Variants in DNM2 observed in about 807,000 individuals in gnomAD.
DNM2 encodes the protein dynamin 2.
DNM2 carries 15 observed loss-of-function variants against 99.0 expected under a neutral mutation model. The observed-to-expected ratio is 0.15, with a 90% confidence interval of 0.10 to 0.23. The LOEUF (loss-of-function observed/expected upper bound fraction) is 0.23. DNM2 is among the 10% of genes least tolerant of loss of function. DNM2 has a pLI of 1.00. For synonymous variants in DNM2, 525 were observed against 481.2 expected, an observed-to-expected ratio of 1.09 and a Z score of -1.19; for missense variants, 742 against 1,189.4, an observed-to-expected ratio of 0.62 and a Z score of 5.53.
intron 1 of DNM2, among the ~76,000 whole-genome samples, chr19:10,751,728 C>CT (rs1037836626): frequency 2.6e-5 from 4 of 152,282 alleles, no homozygotes; most frequent in African/African-American, 9.6e-5. Flanking sequence ...CCCTCTGCGC[C>CT]TGCCCTGCCC....
Position 10,828,582 on chromosome 19 carries a change from C to CA in DNM2, c.2059-442dup, listed in dbSNP as rs34919087. Among the ~76,000 whole-genome samples, 116 of 99,574 alleles carry CA rather than the reference C, an allele frequency of 1.2e-3. 1 individual carries two copies. The highest frequency in any genetic ancestry group is 6.6e-3 in the Middle Eastern group (1 of 152). 65.3% of individuals were successfully genotyped at this position (99,574 alleles called of 152,430 possible). ...AACCTGGGCGACAGTGAGACTGTCT[C>CA]AAAAAAAAAAAAGCAAAAACAAAAA... On this transcript the variant is annotated intron_variant, in intron 18 of 20. Transcript: ENST00000389253.
intron 1 of DNM2, among the ~76,000 whole-genome samples, chr19:10,732,187 A>G (rs1385657182): frequency 6.7e-6 from 1 of 150,156 alleles, no homozygotes; most frequent in African/African-American, 2.4e-5. Flanking sequence ...TCCTGACCTC[A>G]GGTTATCCGC....
Position 10,796,791 on chromosome 19 carries a change from C to T in DNM2, c.1197-589C>T, listed in dbSNP as rs567522305. On this transcript the variant is annotated intron_variant, in intron 9 of 20. Coordinates refer to ENST00000389253, the MANE Select transcript of DNM2 (RefSeq NM_001005361.3). This position sits in a 1 kb window ranked among gnomAD's most constrained non-coding sequence, Gnocchi z 5.6. The stretch of plus-strand genomic sequence containing the variant: ...TCACAGTGCCTCTATGCGCTCTCGA[C>T]GAGCCACTGCCTCCACTCAGCAGGA... 1.3e-5 allele frequency among the ~76,000 whole-genome samples: 2 copies of T among 152,120 alleles called. No individual in the cohort carries two copies. The highest frequency in any genetic ancestry group is 2.1e-4 in the South Asian group (1 of 4,838).
intron 7 of DNM2, among the ~76,000 whole-genome samples, chr19:10,792,807 C>T (rs1310551745): frequency 2.0e-5 from 3 of 152,032 alleles, no homozygotes; most frequent in Non-Finnish European, 4.4e-5. Context: ...GGGGTTTCGC[C>T]ATGTTGTCCA....
In DNM2 at chr19:10,831,228, G is replaced by A; in HGVS notation, c.*181G>A. 7.4e-7 allele frequency: 1 copy of A among 1,354,026 alleles called. No individual in the cohort carries two copies. Among genetic ancestry groups the A allele is most frequent in the Non-Finnish European group, 9.5e-7 (1 of 1,057,636 alleles). 83.9% of individuals were successfully genotyped at this position (1,354,026 alleles called of 1,614,324 possible). A position where few individuals can be genotyped will look rare whatever the true frequency, so the allele number is the denominator to read the frequency against. ...CCTGTGCCTGGCTGGACACCGCACT[G>A]CGCAAAGGGGCCCTGGAGCTCCAGG... On this transcript the variant is annotated 3_prime_UTR_variant, in exon 21 of 21. Coordinates refer to ENST00000389253, the MANE Select transcript of DNM2 (RefSeq NM_001005361.3). This position sits in a 1 kb window ranked among gnomAD's most constrained non-coding sequence, Gnocchi z 4.3.
At chr19:10,807,841 A>G (rs1373617411) in intron 13 of DNM2, among the ~76,000 whole-genome samples, 3 of 150,898 alleles carry the variant, frequency 2.0e-5, no homozygotes, top group Non-Finnish European at 4.4e-5. Context: ...AGCCTTTATC[A>G]TTAATTTTTA....
intron 1 of DNM2, among the ~76,000 whole-genome samples, chr19:10,719,003 A>T (rs534640354): frequency 6.6e-6 from 1 of 152,086 alleles, no homozygotes; most frequent in Non-Finnish European, 1.5e-5. Context: ...CACAGACTTT[A>T]ACACTGAGCA....
rs2072548978 is a variant in DNM2, at chr19:10,811,648, C to T, written c.1558-616C>T. 6.0e-6 allele frequency: 3 copies of T among 496,146 alleles called. No homozygotes were observed. The highest frequency in any genetic ancestry group is 1.2e-5 in the Non-Finnish European group (3 of 249,422). 30.7% of individuals were successfully genotyped at this position (496,146 alleles called of 1,614,324 possible). A position where few individuals can be genotyped will look rare whatever the true frequency, so the allele number is the denominator to read the frequency against. Reference sequence around the variant, plus strand: ...GGAGCATGGGAGCACAGCCCCCAGGCTGCCTGCCGTTAGTTGTCAGGTGAG... The same window carrying T: ...GGAGCATGGGAGCACAGCCCCCAGGTTGCCTGCCGTTAGTTGTCAGGTGAG... On this transcript the variant is annotated intron_variant, in intron 14 of 20. Coordinates refer to ENST00000389253, the MANE Select transcript of DNM2 (RefSeq NM_001005361.3). This position sits in a 1 kb window ranked among gnomAD's most constrained non-coding sequence, Gnocchi z 5.4.
In DNM2 at chr19:10,783,075, G is replaced by A; in HGVS notation, c.804G>A (p.Met268Ile). The A allele has an allele frequency of 6.2e-7, 1 of 1,613,750 alleles. No homozygotes were observed. The highest frequency in any genetic ancestry group is 1.1e-5 in the South Asian group (1 of 91,090). Reference protein sequence around the residue: ...FFLSHPAYRHMADRMGTPHLQ... With the variant: ...FFLSHPAYRHIADRMGTPHLQ... ...TCTCCCACCCGGCCTACCGGCACAT[G>A]GCCGACCGCATGGGCACGCCACATC... The change falls in exon 6 of 21, where the codon ATG (methionine) becomes ATA (isoleucine). Residue 268 changes from methionine to isoleucine, a missense_variant. Transcript: ENST00000389253.
Position 10,788,910 on chromosome 19 carries a change from C to A in DNM2, c.992+2204C>A, listed in dbSNP as rs147532788. On this transcript the variant is annotated intron_variant, in intron 7 of 20. Transcript: ENST00000389253. ...GGCCATCACAGCCCTGGCATCCCCCCACCCCCTCTGCCAGGCAGTAGTGCA... is the reference window on the plus strand; with the variant it reads ...GGCCATCACAGCCCTGGCATCCCCCAACCCCCTCTGCCAGGCAGTAGTGCA... 1.2e-3 allele frequency among the ~76,000 whole-genome samples: 190 copies of A among 152,342 alleles called. 3 individuals carry two copies. The East Asian group carries it at 0.032, about 26-fold the overall frequency.
At chr19:10,824,127 G>T (rs992105799) in intron 17 of DNM2, 1 of 566,706 alleles carries the variant, frequency 1.8e-6, no homozygotes, top group South Asian at 2.0e-5. Context: ...AGGGGATGGG[G>T]TCCCACTTGC....
At chr19:10,819,752 G>T (rs932875526) in intron 15 of DNM2, among the ~76,000 whole-genome samples, 2 of 152,164 alleles carry the variant, frequency 1.3e-5, no homozygotes, top group African/African-American at 4.8e-5. Flanking sequence ...TCGTCCGAAG[G>T]CCCTGGGGTA....
chr19:10,774,325 T>C (rs373814664), intron 3 of DNM2, among the ~76,000 whole-genome samples: 1 of 152,192 alleles, frequency 6.6e-6, no homozygotes, highest in Non-Finnish European at 1.5e-5. Context: ...TTAAAAAAAA[T>C]GTGTAAGCAA....
chr19:10,723,500 TC>T (rs1247381068), intron 1 of DNM2, among the ~76,000 whole-genome samples: 1 of 152,146 alleles, frequency 6.6e-6, no homozygotes, highest in African/African-American at 2.4e-5. Flanking sequence ...ACTCCTGACC[TC>T]AAGTGATCTT....
chr19:10,830,074 G>A lies in DNM2; in HGVS notation c.2292-53G>A, dbSNP rs566129165. ...GTTCTGGCAGCCACAGTGGCATGGC[G>A]GGGGCTCCTACTCCATCTGTATCTG... On this transcript the variant is annotated intron_variant, in intron 19 of 20. Coordinates refer to ENST00000389253, the MANE Select transcript of DNM2 (RefSeq NM_001005361.3). This position sits in a 1 kb window ranked among gnomAD's most constrained non-coding sequence, Gnocchi z 4.8. 9.9e-5 allele frequency: 159 copies of A among 1,613,118 alleles called. No homozygotes were observed. Among genetic ancestry groups the A allele is most frequent in the East Asian group, 5.1e-4 (23 of 44,860 alleles).
chr19:10,803,303 T>C (rs546587481), intron 12 of DNM2, among the ~76,000 whole-genome samples: 1 of 152,214 alleles, frequency 6.6e-6, no homozygotes, highest in East Asian at 1.9e-4. Flanking sequence ...ACAAAGCTGA[T>C]TGAGGATCTG....
chr19:10,819,948 G>A (rs554342951), intron 15 of DNM2, 32 bp from the exon 16 acceptor site: 2 of 1,602,442 alleles, frequency 1.2e-6, no homozygotes, highest in Non-Finnish European at 8.6e-7. Context: ...CACGTGGACC[G>A]CTCAGGGTGA....
chr19:10,769,897 G>T (rs906934891), intron 2 of DNM2, among the ~76,000 whole-genome samples: 1 of 152,208 alleles, frequency 6.6e-6, no homozygotes, highest in African/African-American at 2.4e-5. Context: ...TCAAAGAGGC[G>T]AAGTTCCTTC....
chr19:10,741,344 A>G (rs2069738681), intron 1 of DNM2, among the ~76,000 whole-genome samples: 1 of 151,034 alleles, frequency 6.6e-6, no homozygotes, highest in Non-Finnish European at 1.5e-5. Flanking sequence ...TGATCCTCCC[A>G]CCTCTGCCTC....
Sources: gnomAD v4.1 joint callset for allele counts (sites outside exome capture counted in the v4.1 genomes callset) on GRCh38, gnomAD v4.1.1 for gene constraint, Gnocchi (gnomAD v3.1) non-coding constraint, MANE v1.5 for transcripts, NCBI Gene and HGNC (gene_info 2026-07-23, HGNC 2026-07-21) for gene names.